MRPS31: variants seen among roughly 807,000 people sequenced by gnomAD.
MRPS31 encodes the protein small ribosomal subunit protein mS31.
MRPS31 carries 32 observed loss-of-function variants against 43.1 expected under a neutral mutation model. The observed-to-expected ratio is 0.74, with a 90% CI of 0.56 to 1.00. The LOEUF (loss-of-function observed/expected upper bound fraction) is 1.00, where lower values mean the gene tolerates loss of function less well. Among genes scored for constraint, MRPS31 ranks in the 50% least tolerant of loss-of-function variants. The pLI is 0.00. For missense variants in MRPS31, 437 were observed against 466.7 expected (o/e 0.94, Z 0.59); for synonymous variants, 165 against 161.6 (o/e 1.02, Z -0.16).
chr13:40,732,900 T>C (rs1188056402), intron 6 of MRPS31, among the ~76,000 whole-genome samples: 1 of 150,666 alleles, frequency 6.6e-6, no homozygotes, highest in Non-Finnish European at 1.5e-5. Flanking sequence ...AGAATGAAAC[T>C]GGGCCAGGCA....
At chr13:40,768,628 G>A (rs529071627) in intron 1 of MRPS31, among the ~76,000 whole-genome samples, 1 of 152,132 alleles carries the variant, frequency 6.6e-6, no homozygotes, top group African/African-American at 2.4e-5. Context: ...CTAGGCTCAA[G>A]CGATCTGCCC....
At position 40,770,942 on chromosome 13, in the gene MRPS31, G is replaced by T. The variant is rs747807914; in HGVS notation, c.152+43C>A. 1.5e-5 allele frequency: 24 copies of T among 1,613,160 alleles called. No individual in the cohort carries two copies. In the East Asian group the frequency reaches 5.3e-4, roughly 36 times the overall value. Reference sequence around the variant, plus strand: ...GTGGTAACATCGACCCCAGGAAGTCGGAGGATGTACAGGACGGGGCACGGG... The same window carrying T: ...GTGGTAACATCGACCCCAGGAAGTCTGAGGATGTACAGGACGGGGCACGGG... On this transcript the variant is annotated intron_variant, in intron 1 of 6. Transcript: ENST00000323563.
intron 2 of MRPS31, among the ~76,000 whole-genome samples, chr13:40,762,389 A>G: frequency 6.6e-6 from 1 of 152,072 alleles, no homozygotes; most frequent in East Asian, 1.9e-4. Flanking sequence ...TCTTTGCTCA[A>G]ATGTTACCTT....
At chr13:40,739,635 T>C (rs1880024318) in intron 6 of MRPS31, among the ~76,000 whole-genome samples, 1 of 151,974 alleles carries the variant, frequency 6.6e-6, no homozygotes, top group African/African-American at 2.4e-5. Context: ...AGTAACGCCG[T>C]ATATCTACAA....
At chr13:40,770,220 C>T (rs984001144) in intron 1 of MRPS31, among the ~76,000 whole-genome samples, 1 of 152,228 alleles carries the variant, frequency 6.6e-6, no homozygotes, top group African/African-American at 2.4e-5. Context: ...TGGTCCTTCC[C>T]ATCTTCACTG....
intron 6 of MRPS31, among the ~76,000 whole-genome samples, chr13:40,735,301 T>C (rs926431808): frequency 8.5e-5 from 13 of 152,174 alleles, no homozygotes; most frequent in Admixed American, 2.0e-4. Context: ...GTCTCGCTGA[T>C]TGCTAGCACA....
intron 6 of MRPS31, among the ~76,000 whole-genome samples, chr13:40,737,075 G>A (rs1427449886): frequency 6.6e-6 from 1 of 151,964 alleles, no homozygotes. Context: ...CAAAATAAAG[G>A]GATGGAGGAA....
intron 4 of MRPS31, among the ~76,000 whole-genome samples, chr13:40,755,429 T>G (rs1369717905): frequency 1.3e-5 from 2 of 152,234 alleles, no homozygotes; most frequent in Non-Finnish European, 2.9e-5. Flanking sequence ...TACCAGATAG[T>G]TTACACGTGT....
intron 6 of MRPS31, among the ~76,000 whole-genome samples, chr13:40,747,280 G>A (rs1402780645): frequency 6.6e-6 from 1 of 151,864 alleles, no homozygotes; most frequent in East Asian, 1.9e-4. Flanking sequence ...TTAACCATGA[G>A]GATTTGGAAC....
At position 40,771,078 on chromosome 13, in the gene MRPS31, G is replaced by A. The variant is rs754218007; in HGVS notation, c.59C>T (p.Ser20Phe). The change falls in exon 1 of 7, where the codon TCC (serine) becomes TTC (phenylalanine). Residue 20 changes from serine (S) to phenylalanine (F), a missense_variant. Transcript: ENST00000323563. ...CGCTGATGTCTCCGGGCTTCCAGAG[G>A]ACAAAGGGTGGCGGGAAAGGGGGCG... Reference protein sequence around the residue: ...PLRPLSRHPLSSGSPETSAAA... With the variant: ...PLRPLSRHPLFSGSPETSAAA... 6 of 1,613,992 alleles carry A rather than the reference G, an allele frequency of 3.7e-6. No individual in the cohort carries two copies. The highest frequency in any genetic ancestry group is 3.3e-5 in the Admixed American group (2 of 59,988).
At chr13:40,736,990 T>C (rs1361640235) in intron 6 of MRPS31, among the ~76,000 whole-genome samples, 3 of 151,224 alleles carry the variant, frequency 2.0e-5, no homozygotes, top group South Asian at 2.1e-4. Context: ...GACTGGCAAA[T>C]TGGATAAAGA....
At chr13:40,770,702 T>C (rs1880981876) in intron 1 of MRPS31, 5 of 401,988 alleles carry the variant, frequency 1.2e-5, no homozygotes, top group South Asian at 1.1e-4. Flanking sequence ...AATGAGACTA[T>C]CAAATAAATC....
intron 6 of MRPS31, among the ~76,000 whole-genome samples, chr13:40,735,266 GCTCAGAGGGTCCTACGCC>G (rs1370822958): frequency 6.6e-6 from 1 of 152,198 alleles, no homozygotes; most frequent in African/African-American, 2.4e-5. Flanking sequence ...CCCGCACCTG[GCTCAGAGGGTCCTACGCC>G]CACGGAGTCT....
At chr13:40,741,713 C>G (rs1159510814) in intron 6 of MRPS31, among the ~76,000 whole-genome samples, 1 of 152,050 alleles carries the variant, frequency 6.6e-6, no homozygotes, top group Non-Finnish European at 1.5e-5. Flanking sequence ...CAAACATGTA[C>G]ACAAGAACAT....
chr13:40,766,622 T>C, intron 2 of MRPS31, 124 bp downstream of exon 2: 1 of 1,013,418 alleles, frequency 9.9e-7, no homozygotes, highest in South Asian at 1.7e-5. Context: ...TCCCTGTGTT[T>C]ACAAGCTGAT....
At chr13:40,752,978 T>C (rs1880432482) in intron 5 of MRPS31, among the ~76,000 whole-genome samples, 1 of 152,196 alleles carries the variant, frequency 6.6e-6, no homozygotes, top group South Asian at 2.1e-4. Flanking sequence ...CAAGCCATCA[T>C]GTTGTCTCAG....
At position 40,771,185 on chromosome 13, in the gene MRPS31, G is replaced by T. The variant is rs201629936; in HGVS notation, c.-49C>A. ...GAACACAACTGAAATGGTGCGTCCCGCTGCCAAACACGTCCCCGCCCTCTC... is the reference window on the plus strand; with the variant it reads ...GAACACAACTGAAATGGTGCGTCCCTCTGCCAAACACGTCCCCGCCCTCTC... On this transcript the variant is annotated 5_prime_UTR_variant, in exon 1 of 7. Transcript: ENST00000323563. The T allele has an allele frequency of 3.3e-6, 5 of 1,537,034 alleles. No individual in the cohort carries two copies. The highest frequency in any genetic ancestry group is 2.3e-5 in the East Asian group (1 of 42,570).
intron 6 of MRPS31, among the ~76,000 whole-genome samples, chr13:40,730,491 C>T (rs1566102427): frequency 6.6e-6 from 1 of 152,186 alleles, no homozygotes; most frequent in Non-Finnish European, 1.5e-5. Flanking sequence ...AGCCACTACA[C>T]TCCAGCCTGA....
intron 6 of MRPS31, among the ~76,000 whole-genome samples, chr13:40,733,567 T>C (rs962755567): frequency 4.6e-5 from 7 of 152,112 alleles, no homozygotes; most frequent in Non-Finnish European, 1.0e-4. Flanking sequence ...CTTATGAATA[T>C]TATGAAGAGA....
Sources: gnomAD v4.1 joint callset for allele counts (sites outside exome capture counted in the v4.1 genomes callset) on GRCh38, gnomAD v4.1.1 for gene constraint, MANE v1.5 for transcripts, NCBI Gene and HGNC (gene_info 2026-07-23, HGNC 2026-07-21) for gene names.